EVI5: variants seen among roughly 807,000 people sequenced by gnomAD.
EVI5 encodes ecotropic viral integration site 5 protein homolog.
In EVI5, 73 loss-of-function variants were observed where a neutral mutation model predicts 112.0. The ratio of observed to expected loss-of-function variants is 0.65; its 90% confidence interval spans 0.54 to 0.79. EVI5 has a LOEUF of 0.79. EVI5 is among the 30% of genes least tolerant of loss of function. The pLI, the probability that EVI5 is intolerant of heterozygous loss-of-function variation, is 0.00. For missense variants in EVI5, 900 were observed against 968.8 expected, an observed-to-expected ratio of 0.93 and a Z score of 0.94; for synonymous variants, 305 against 319.9, an observed-to-expected ratio of 0.95 and a Z score of 0.50.
intron 13 of EVI5, among the ~76,000 whole-genome samples, chr1:92,651,706 C>T: frequency 7.9e-6 from 1 of 127,244 alleles, no homozygotes; most frequent in Non-Finnish European, 1.6e-5. Flanking sequence ...AAAAAATTAG[C>T]CAGGCGTAGT....
At chr1:92,734,884 T>A (rs1677085460) in intron 2 of EVI5, among the ~76,000 whole-genome samples, 1 of 151,972 alleles carries the variant, frequency 6.6e-6, no homozygotes, top group Non-Finnish European at 1.5e-5. Flanking sequence ...AATAAACACA[T>A]AAAAAGATGC....
intron 16 of EVI5, 152 bp downstream of exon 16, chr1:92,624,024 T>C (rs1655120012): frequency 3.3e-6 from 2 of 614,144 alleles, no homozygotes; most frequent in South Asian, 4.6e-5. Flanking sequence ...AATATAATAA[T>C]TTTTTGCCAT....
chr1:92,705,574 T>C (rs1671831591), intron 2 of EVI5, among the ~76,000 whole-genome samples: 1 of 152,164 alleles, frequency 6.6e-6, no homozygotes, highest in Non-Finnish European at 1.5e-5. Flanking sequence ...TCCTCACTCA[T>C]AAGGTCCCTG....
At chr1:92,682,694 T>C (rs990827007) in intron 9 of EVI5, among the ~76,000 whole-genome samples, 1 of 152,046 alleles carries the variant, frequency 6.6e-6, no homozygotes, top group Non-Finnish European at 1.5e-5. Context: ...GAGGTTGCAA[T>C]GAGCCAAGAT....
rs199689262 is a variant in EVI5 at position 92,636,272 on chromosome 1, G to T, written c.1457C>A (p.Ala486Asp). 3 of 1,613,262 alleles carry T rather than the reference G, an allele frequency of 1.9e-6. No homozygotes were observed. The highest frequency in any genetic ancestry group is 2.5e-6 in the Non-Finnish European group (3 of 1,179,284). ...VLQLEKELVQARLSEAESQCA... is the reference protein window; with the variant it reads ...VLQLEKELVQDRLSEAESQCA... ...CTGAGACTCAGCTTCACTCAGTCGG[G>T]CTTGGACCAATTCCTTCTCTAGCTG... The change falls in exon 14 of 20, where the codon GCC becomes GAC. Residue 486 changes from alanine to aspartate, a missense_variant. Coordinates refer to ENST00000684568, the MANE Select transcript of EVI5 (RefSeq NM_001350197.2).
At chr1:92,674,467 T>C (rs141760753) in intron 10 of EVI5, among the ~76,000 whole-genome samples, 44 of 152,138 alleles carry the variant, frequency 2.9e-4, no homozygotes, top group Middle Eastern at 6.8e-3. Context: ...TTCTTGCTCA[T>C]AAGCAGGAGT....
At chr1:92,569,768 C>A (rs1025666144) in intron 18 of EVI5, among the ~76,000 whole-genome samples, 1 of 147,124 alleles carries the variant, frequency 6.8e-6, no homozygotes, top group Non-Finnish European at 1.5e-5. Context: ...GCAGGAGAAT[C>A]GCTTGAACCC....
Position 92,628,142 on chromosome 1 carries a change from T to G in EVI5, c.1528-2208A>C, listed in dbSNP as rs530581821. Among the ~76,000 whole-genome samples the G allele has an allele frequency of 1.8e-4, 27 of 152,320 alleles. No individual in the cohort carries two copies. In the South Asian group the frequency reaches 5.4e-3, roughly 30 times the overall value. On this transcript the variant is annotated intron_variant, in intron 14 of 19. Coordinates refer to ENST00000684568, the MANE Select transcript of EVI5 (RefSeq NM_001350197.2). Reference sequence around the variant, plus strand: ...CCATTTGTATATCTTCTTTTGAGAATTGTCTATTCATGTCCTTAGCCCACT... The same window carrying G: ...CCATTTGTATATCTTCTTTTGAGAAGTGTCTATTCATGTCCTTAGCCCACT...
chr1:92,723,725 C>T (rs1482766779), intron 2 of EVI5, among the ~76,000 whole-genome samples: 1 of 152,114 alleles, frequency 6.6e-6, no homozygotes, highest in African/African-American at 2.4e-5. Flanking sequence ...GGAAGATAAC[C>T]ATAAGGTCTG....
chr1:92,666,553 C>T (rs1193781143), intron 10 of EVI5, among the ~76,000 whole-genome samples: 1 of 113,662 alleles, frequency 8.8e-6, no homozygotes, highest in Non-Finnish European at 1.7e-5. Flanking sequence ...CACTGTACTC[C>T]GGCCTGGGAG....
chr1:92,583,494 G>A (rs1178229039), intron 18 of EVI5, among the ~76,000 whole-genome samples: 22 of 109,440 alleles, frequency 2.0e-4, no homozygotes, highest in Admixed American at 2.7e-4. Flanking sequence ...CTGGGCGACA[G>A]AGTGAGGCTC....
intron 13 of EVI5, among the ~76,000 whole-genome samples, chr1:92,636,789 T>A (rs931839643): frequency 6.6e-6 from 1 of 152,188 alleles, no homozygotes; most frequent in African/African-American, 2.4e-5. Flanking sequence ...AGAATTAATA[T>A]GAAATAAAAA....
intron 19 of EVI5, among the ~76,000 whole-genome samples, chr1:92,552,070 C>T (rs1488911108): frequency 6.8e-6 from 1 of 147,154 alleles, no homozygotes; most frequent in Non-Finnish European, 1.5e-5. Context: ...AAAATACTTG[C>T]CATCTAGTGC....
chr1:92,680,682 CACCTTAATCAAGTG>C (rs1667444512), intron 9 of EVI5, among the ~76,000 whole-genome samples: 1 of 152,168 alleles, frequency 6.6e-6, no homozygotes, highest in South Asian at 2.1e-4. Context: ...CAGCAAACAT[CACCTTAATCAAGTG>C]ACCAAAGCTA....
At chr1:92,753,144 AAAG>A (rs1224489290) in intron 1 of EVI5, among the ~76,000 whole-genome samples, 7 of 151,912 alleles carry the variant, frequency 4.6e-5, no homozygotes, top group African/African-American at 1.7e-4. Context: ...AAAAAAAAAA[AAAG>A]AAGGAAAATG....
intron 16 of EVI5, among the ~76,000 whole-genome samples, chr1:92,617,449 G>A (rs1653455199): frequency 6.6e-6 from 1 of 152,182 alleles, no homozygotes; most frequent in Admixed American, 6.5e-5. Flanking sequence ...GCTCACCAAC[G>A]GGTGACCTCA....
intron 1 of EVI5, 197 bp downstream of exon 1, chr1:92,784,633 GGGCGGC>G (rs71586764): frequency 2.6e-5 from 8 of 307,088 alleles, no homozygotes; most frequent in Non-Finnish European, 3.8e-5. Flanking sequence ...GGAGGGCTGC[GGGCGGC>G]GGCGGCGGCG....
At chr1:92,541,325 G>A (rs1417536309) in intron 19 of EVI5, among the ~76,000 whole-genome samples, 5 of 152,208 alleles carry the variant, frequency 3.3e-5, no homozygotes, top group Admixed American at 1.3e-4. Context: ...AAAAATAGGC[G>A]AAGGATCTAA....
upstream of EVI5, among the ~76,000 whole-genome samples, chr1:92,785,483 G>A (rs1685535151): frequency 1.3e-5 from 2 of 152,208 alleles, no homozygotes; most frequent in East Asian, 3.9e-4. Flanking sequence ...TCGGAAGGCA[G>A]CCCCGAGCTC....
Sources: gnomAD v4.1 joint callset for allele counts (sites outside exome capture counted in the v4.1 genomes callset) on GRCh38, gnomAD v4.1.1 for gene constraint, MANE v1.5 for transcripts, NCBI Gene and HGNC (gene_info 2026-07-23, HGNC 2026-07-21) for gene names.